Variants in PRKCE observed in about 807,000 individuals in gnomAD.
PRKCE encodes protein kinase C epsilon, also known as protein kinase C epsilon type.
In PRKCE, 16 loss-of-function variants were observed where a neutral mutation model predicts 85.4. The ratio of observed to expected loss-of-function variants is 0.19; its 90% CI spans 0.13 to 0.28. The LOEUF (loss-of-function observed/expected upper bound fraction) is 0.28, where lower values mean the gene tolerates loss of function less well. Among genes scored for constraint, PRKCE ranks in the 10% least tolerant of loss-of-function variants. The pLI, the probability that PRKCE is intolerant of heterozygous loss-of-function variation, is 1.00. For synonymous variants in PRKCE, 388 were observed against 371.5 expected (o/e 1.04, Z -0.51); for missense variants, 573 against 975.2 (o/e 0.59, Z 5.49).
chr2:45,838,956 G>A (rs920501181), intron 1 of PRKCE, among the ~76,000 whole-genome samples: 23 of 151,864 alleles, frequency 1.5e-4, no homozygotes, highest in Admixed American at 9.8e-4. Flanking sequence ...ATTTTATGCC[G>A]GTGCCTTTGC....
At chr2:45,777,970 TG>T (rs1465798629) in intron 1 of PRKCE, among the ~76,000 whole-genome samples, 1 of 152,154 alleles carries the variant, frequency 6.6e-6, no homozygotes, top group Admixed American at 6.5e-5. Flanking sequence ...TGGGAAGACT[TG>T]GCACCGAGTC....
At chr2:45,914,496 T>C (rs1697614346) in intron 2 of PRKCE, among the ~76,000 whole-genome samples, 1 of 152,170 alleles carries the variant, frequency 6.6e-6, no homozygotes, top group Non-Finnish European at 1.5e-5. Context: ...GTCCAGGAAG[T>C]GTGCGAGACT....
At chr2:46,183,336 T>C (rs185738728) in intron 14 of PRKCE, among the ~76,000 whole-genome samples, 1 of 152,366 alleles carries the variant, frequency 6.6e-6, no homozygotes, top group African/African-American at 2.4e-5. Context: ...AACTGCTTTT[T>C]TCATGGACTA....
In PRKCE at chr2:45,986,763, A is replaced by G. The variant is rs961278208; in HGVS notation, c.823+2083A>G. ...GGAGGTGCTGACTGTGGACATGCCC[A>G]GCATCCTGTGAGCTTCCCGGCACCC... On this transcript the variant is annotated intron_variant, in intron 6 of 14. Transcript: ENST00000306156. Among the ~76,000 whole-genome samples, 6 of 152,146 alleles carry G rather than the reference A, an allele frequency of 3.9e-5. No individual in the cohort carries two copies. The East Asian group carries it at 1.2e-3, about 29-fold the overall frequency.
At chr2:45,778,726 T>A (rs1685952566) in intron 1 of PRKCE, among the ~76,000 whole-genome samples, 1 of 152,248 alleles carries the variant, frequency 6.6e-6, no homozygotes, top group Non-Finnish European at 1.5e-5. Flanking sequence ...AGAGGATGTA[T>A]GTTCCCGGCT....
rs531123014 is a variant in PRKCE at position 46,082,342 on chromosome 2, G to A, written c.1438-3866G>A. On this transcript the variant is annotated intron_variant, in intron 10 of 14. Transcript: ENST00000306156. Reference sequence around the variant, plus strand: ...AAAAAGGTACAAAATGCAAAGATACGATAAGTAAATATGACAGGACTTGGT... The same window carrying A: ...AAAAAGGTACAAAATGCAAAGATACAATAAGTAAATATGACAGGACTTGGT... Among the ~76,000 whole-genome samples, 7 of 152,242 alleles carry A rather than the reference G, an allele frequency of 4.6e-5. No homozygotes were observed. In the East Asian group the frequency reaches 5.8e-4, roughly 13 times the overall value.
At chr2:45,908,021 G>A (rs990279184) in intron 2 of PRKCE, among the ~76,000 whole-genome samples, 1 of 152,098 alleles carries the variant, frequency 6.6e-6, no homozygotes, top group African/African-American at 2.4e-5. Context: ...TTTGAGACGG[G>A]GGAAGCAGAA....
chr2:45,716,802 C>T (rs1680164275), intron 1 of PRKCE, among the ~76,000 whole-genome samples: 1 of 152,104 alleles, frequency 6.6e-6, no homozygotes, highest in Non-Finnish European at 1.5e-5. Context: ...CACAGTTCAG[C>T]ATGGCTGGGG....
At chr2:45,863,092 CCA>C (rs1693299966) in intron 2 of PRKCE, among the ~76,000 whole-genome samples, 1 of 152,130 alleles carries the variant, frequency 6.6e-6, no homozygotes, top group Non-Finnish European at 1.5e-5. Context: ...GAAGCTGAAC[CCA>C]CAGTTTGTCC....
At chr2:46,101,299 G>T (rs563886652) in intron 11 of PRKCE, among the ~76,000 whole-genome samples, 1 of 152,170 alleles carries the variant, frequency 6.6e-6, no homozygotes. Flanking sequence ...ATATGGAGTT[G>T]CCAGGGAAAC....
intron 11 of PRKCE, among the ~76,000 whole-genome samples, chr2:46,110,630 T>C (rs192297267): frequency 6.6e-6 from 1 of 152,044 alleles, no homozygotes; most frequent in African/African-American, 2.4e-5. Flanking sequence ...TAGTCTTTTT[T>C]TTTTTAAAGC....
chr2:45,966,371 C>T (rs181885616), intron 2 of PRKCE, among the ~76,000 whole-genome samples: 28 of 152,200 alleles, frequency 1.8e-4, no homozygotes, highest in Admixed American at 1.7e-3. Context: ...TGCACGCATG[C>T]GGGATACTGT....
In PRKCE at chr2:46,049,356, C is replaced by G. The variant is rs970547862; in HGVS notation, c.1438-36852C>G. 7.9e-5 allele frequency among the ~76,000 whole-genome samples: 12 copies of G among 152,208 alleles called. 1 individual carries two copies. Among genetic ancestry groups the G allele is most frequent in the Admixed American group, 4.6e-4 (7 of 15,292 alleles). On this transcript the variant is annotated intron_variant, in intron 10 of 14. Transcript: ENST00000306156. ...GTTTCTTCCCAGTCCTGACAATGCACATAGCCCAGCTCTCTCTCATGCCCA... is the reference window on the plus strand; with the variant it reads ...GTTTCTTCCCAGTCCTGACAATGCAGATAGCCCAGCTCTCTCTCATGCCCA...
intron 10 of PRKCE, among the ~76,000 whole-genome samples, chr2:46,085,736 G>GTTTTTTTTTTTTTTTTTTT (rs1170933914): frequency 9.6e-6 from 1 of 104,574 alleles, no homozygotes; most frequent in African/African-American, 4.4e-5. Context: ...TGCAAAATCC[G>GTTTTTTTTTTTTTTTTTTT]TTTTTTTTTT....
chr2:45,803,916 T>C (rs1327623147), intron 1 of PRKCE, among the ~76,000 whole-genome samples: 1 of 152,202 alleles, frequency 6.6e-6, no homozygotes, highest in East Asian at 1.9e-4. Flanking sequence ...AGGATGTTGT[T>C]TAATGGGCAA....
intron 10 of PRKCE, among the ~76,000 whole-genome samples, chr2:46,070,579 G>T (rs1667995652): frequency 6.6e-6 from 1 of 151,904 alleles, no homozygotes; most frequent in Admixed American, 6.6e-5. Context: ...GGAGGTGGAG[G>T]TTGCAGTGAG....
chr2:45,725,236 G>C (rs1210796369), intron 1 of PRKCE, among the ~76,000 whole-genome samples: 1 of 152,124 alleles, frequency 6.6e-6, no homozygotes, highest in Non-Finnish European at 1.5e-5. Flanking sequence ...TTTACAGCAT[G>C]GTTTACTGAA....
intron 11 of PRKCE, among the ~76,000 whole-genome samples, chr2:46,105,954 T>C (rs896148765): frequency 1.6e-4 from 24 of 152,256 alleles, no homozygotes; most frequent in African/African-American, 5.3e-4. Flanking sequence ...TAACTTTTTA[T>C]GTTAGATTTA....
intron 2 of PRKCE, among the ~76,000 whole-genome samples, chr2:45,865,800 T>TTTC (rs371476589): frequency 1.2e-4 from 15 of 126,028 alleles, no homozygotes; most frequent in Non-Finnish European, 2.1e-4. Context: ...AGAAAATAAG[T>TTTC]TTCTTCTTCT....
Sources: gnomAD v4.1 joint callset for allele counts (sites outside exome capture counted in the v4.1 genomes callset) on GRCh38, gnomAD v4.1.1 for gene constraint, MANE v1.5 for transcripts, NCBI Gene and HGNC (gene_info 2026-07-23, HGNC 2026-07-21) for gene names.